UBA5: variants seen among roughly 807,000 people sequenced by gnomAD.
UBA5 encodes ubiquitin-like modifier-activating enzyme 5.
In UBA5, 28 loss-of-function variants were observed where a neutral mutation model predicts 52.9. The ratio of observed to expected loss-of-function variants is 0.53; its 90% confidence interval spans 0.39 to 0.73. UBA5 has a LOEUF of 0.73. UBA5 is among the 30% of genes least tolerant of loss of function. UBA5 has a pLI of 0.00. For missense variants in UBA5, 388 were observed against 492.7 expected (o/e 0.79, Z 2.01); for synonymous variants, 135 against 162.1 (o/e 0.83, Z 1.27).
chr3:132,671,608 A>G (rs921291152), intron 6 of UBA5, among the ~76,000 whole-genome samples, 169 bp from the exon 7 acceptor site: 2 of 152,148 alleles, frequency 1.3e-5, no homozygotes, highest in Non-Finnish European at 2.9e-5. Flanking sequence ...TACTCTTTAA[A>G]TAGAGTATGG....
At position 132,676,847 on chromosome 3, in the gene UBA5, C is replaced by G; in HGVS notation, c.*321C>G. Reference sequence around the variant, plus strand: ...ACAAATCTGATCCTGTAATCTTTTTCTTTCCAGTAATCCCTTGTGTCTGTT... The same window carrying G: ...ACAAATCTGATCCTGTAATCTTTTTGTTTCCAGTAATCCCTTGTGTCTGTT... On this transcript the variant is annotated 3_prime_UTR_variant, in exon 12 of 12. Transcript: ENST00000356232. This position sits in a 1 kb window ranked among gnomAD's most constrained non-coding sequence, Gnocchi z 4.1. 2.1e-6 allele frequency: 1 copy of G among 466,556 alleles called. No individual in the cohort carries two copies. The highest frequency in any genetic ancestry group is 4.3e-6 in the Non-Finnish European group (1 of 233,758). The allele number at this position is 466,556 out of a possible 1,614,324, so 28.9% of individuals were successfully genotyped here. A position where few individuals can be genotyped will look rare whatever the true frequency, so the allele number is the denominator to read the frequency against.
chr3:132,657,866 C>CTT (rs56190801), upstream of UBA5, among the ~76,000 whole-genome samples: 1,263 of 119,100 alleles, frequency 0.011, 31 homozygotes, highest in African/African-American at 0.034. Context: ...ACACATATTC[C>CTT]TTTTTTTTTT....
chr3:132,677,667 G>A lies in UBA5; in HGVS notation c.*1141G>A, dbSNP rs148854682. Reference sequence around the variant, plus strand: ...TGTTTCTATGCTTATTTCCTATTTTGATTTTTACTTTGAAGATAGGAATAT... The same window carrying A: ...TGTTTCTATGCTTATTTCCTATTTTAATTTTTACTTTGAAGATAGGAATAT... On this transcript the variant is annotated 3_prime_UTR_variant, in exon 12 of 12. Coordinates refer to ENST00000356232, the MANE Select transcript of UBA5 (RefSeq NM_024818.6). 1.9e-3 allele frequency: 295 copies of A among 152,220 alleles called. 1 individual carries two copies. Among genetic ancestry groups the A allele is most frequent in the African/African-American group, 6.7e-3 (279 of 41,544 alleles). The allele number at this position is 152,220 out of a possible 1,614,324, so 9.4% of individuals were successfully genotyped here.
chr3:132,664,698 A>G (rs1938300540), intron 1 of UBA5, among the ~76,000 whole-genome samples: 1 of 152,134 alleles, frequency 6.6e-6, no homozygotes, highest in Non-Finnish European at 1.5e-5. Flanking sequence ...AGTGAGCTAT[A>G]GCATACAGGA....
At position 132,662,665 on chromosome 3, in the gene UBA5, T is replaced by G. The variant is rs115039954; in HGVS notation, c.161+1967T>G. ...TTCAGTTTGAGAGACTACATGGAGG[T>G]GGGATATTAAAAAACACAAGTAACC... On this transcript the variant is annotated intron_variant, in intron 1 of 11. Transcript: ENST00000356232. Among the ~76,000 whole-genome samples the G allele has an allele frequency of 6.1e-3, 931 of 152,090 alleles. 13 individuals are homozygous for G. Among genetic ancestry groups the G allele is most frequent in the African/African-American group, 0.022 (898 of 41,482 alleles).
Position 132,675,342 on chromosome 3 carries a change from T to A in UBA5, c.907T>A (p.Cys303Ser). Residue 303 changes from cysteine (C) to serine (S), a missense_variant, in exon 9 of 12, where the codon TGT (cysteine) becomes AGT (serine). Cys to Ser is a moderately radical substitution (Grantham distance 112). This residue lies in a region of UBA5 where 277 missense variants were observed against 326.4 expected (regional missense o/e 0.85). Coordinates refer to ENST00000356232, the MANE Select transcript of UBA5 (RefSeq NM_024818.6). ...PTMSMKPNPQ[C>S]DDRNCRKQQE... The stretch of plus-strand genomic sequence containing the variant: ...TATGTCCATGAAGCCAAATCCTCAG[T>A]GTGATGACAGAAATTGCAGGAAGCA... 6.2e-7 allele frequency: 1 copy of A among 1,613,718 alleles called. No homozygotes were observed. The highest frequency in any genetic ancestry group is 8.5e-7 in the Non-Finnish European group (1 of 1,179,810).
chr3:132,674,530 A>T (rs1443908578), intron 8 of UBA5, among the ~76,000 whole-genome samples: 1 of 152,208 alleles, frequency 6.6e-6, no homozygotes, highest in Non-Finnish European at 1.5e-5. Context: ...TTTACAAAAA[A>T]AAAATACAAA....
chr3:132,659,462 G>A, upstream of UBA5: 5 of 1,217,064 alleles, frequency 4.1e-6, 1 homozygote, highest in South Asian at 6.0e-5. Flanking sequence ...GGCAATAGCA[G>A]CTCATGCCTG....
intron 1 of UBA5, chr3:132,654,710 C>T (rs563945909): frequency 6.6e-6 from 1 of 152,336 alleles, no homozygotes; most frequent in South Asian, 2.1e-4. Context: ...CTGGTTTTCT[C>T]AGTCAGTGTG....
intron 1 of UBA5, 53 bp from the exon 2 acceptor site, chr3:132,665,770 T>G (rs908082283): frequency 9.5e-5 from 145 of 1,518,480 alleles, no homozygotes; most frequent in Non-Finnish European, 1.1e-4. Flanking sequence ...CTATTTGTAT[T>G]ACTAATACCT....
At position 132,678,376 on chromosome 3, in the gene UBA5, C is replaced by T. The variant is rs1295263380; in HGVS notation, c.*1850C>T. Among the ~76,000 whole-genome samples the T allele has an allele frequency of 6.6e-6, 1 of 152,136 alleles. No individual in the cohort carries two copies. Among genetic ancestry groups the T allele is most frequent in the Non-Finnish European group, 1.5e-5 (1 of 68,036 alleles). ...CATCATTGAATTTAGTATTACTAAA[C>T]TCATAGCATTTGTCCAGATTTGTAA... On this transcript the variant is annotated 3_prime_UTR_variant, in exon 12 of 12. Coordinates refer to ENST00000356232, the MANE Select transcript of UBA5 (RefSeq NM_024818.6).
intron 3 of UBA5, chr3:132,668,158 AGTGT>A (rs10596982): frequency 0.53 from 77,421 of 145,772 alleles, 23,009 homozygotes; most frequent in Non-Finnish European, 0.69. Context: ...TGGCCATTTT[AGTGT>A]GTGTGTGTGT....
rs112892411 is a variant in UBA5, at chr3:132,670,099, G to A, written c.408-99G>A. 4.8e-4 allele frequency: 306 copies of A among 637,952 alleles called. 1 individual carries two copies. The highest frequency in any genetic ancestry group is 4.0e-3 in the African/African-American group (208 of 51,688). The allele number at this position is 637,952 out of a possible 1,614,324, so 39.5% of individuals were successfully genotyped here. A position where few individuals can be genotyped will look rare whatever the true frequency, so the allele number is the denominator to read the frequency against. ...GGTGCAGTGGGTGCGATGATAGCTCGCTGTAGCCTTGAACTCCTGGACTCA... is the reference window on the plus strand; with the variant it reads ...GGTGCAGTGGGTGCGATGATAGCTCACTGTAGCCTTGAACTCCTGGACTCA... On this transcript the variant is annotated intron_variant, in intron 4 of 11. Coordinates refer to ENST00000356232, the MANE Select transcript of UBA5 (RefSeq NM_024818.6).
rs1938619202 is a variant in UBA5 at position 132,671,846 on chromosome 3, C to G, written c.649C>G (p.Gln217Glu). The change falls in exon 7 of 12, where the codon CAG becomes GAG. Residue 217 changes from glutamine to glutamate, a missense_variant. Physicochemically the swap from Gln to Glu is conservative, Grantham distance 29. This residue lies in a region of UBA5 where 277 missense variants were observed against 326.4 expected (regional missense o/e 0.85). Coordinates refer to ENST00000356232, the MANE Select transcript of UBA5 (RefSeq NM_024818.6). The part of the protein sequence containing the change: ...VSENAVSGHI[Q>E]LIIPGESACF... ...TGAAAATGCAGTTTCAGGGCATATACAGCTTATAATTCCTGGAGAATCTGC... is the reference window on the plus strand; with the variant it reads ...TGAAAATGCAGTTTCAGGGCATATAGAGCTTATAATTCCTGGAGAATCTGC... The G allele has an allele frequency of 6.2e-7, 1 of 1,613,482 alleles. No individual in the cohort carries two copies. The highest frequency in any genetic ancestry group is 8.5e-7 in the Non-Finnish European group (1 of 1,179,820).
At position 132,660,722 on chromosome 3, in the gene UBA5, G is replaced by T. The variant is rs1938114439; in HGVS notation, c.161+24G>T. On this transcript the variant is annotated intron_variant, in intron 1 of 11. Coordinates refer to ENST00000356232, the MANE Select transcript of UBA5 (RefSeq NM_024818.6). This position sits in a 1 kb window ranked among gnomAD's most constrained non-coding sequence, Gnocchi z 4.1. ...AGGTAACCTGCGTCGCCGGTCGGAGGCAGGCGCGGGGGACGAGGTCAGGCT... is the reference window on the plus strand; with the variant it reads ...AGGTAACCTGCGTCGCCGGTCGGAGTCAGGCGCGGGGGACGAGGTCAGGCT... 1.3e-6 allele frequency: 2 copies of T among 1,516,898 alleles called. No homozygotes were observed. The highest frequency in any genetic ancestry group is 2.8e-5 in the African/African-American group (2 of 72,586). The allele number at this position is 1,516,898 out of a possible 1,614,324, so 94.0% of individuals were successfully genotyped here.
chr3:132,655,608 T>A (rs958353342), upstream of UBA5, among the ~76,000 whole-genome samples: 1 of 152,224 alleles, frequency 6.6e-6, no homozygotes, highest in Non-Finnish European at 1.5e-5. Context: ...CTGAATGCCG[T>A]GTGCTCGAGG....
upstream of UBA5, chr3:132,659,337 G>A (rs1445377995): frequency 2.2e-6 from 1 of 464,418 alleles, no homozygotes; most frequent in East Asian, 4.5e-5. Context: ...AATCCTCAAG[G>A]GACATAAATC....
intron 7 of UBA5, 39 bp from the exon 8 acceptor site, chr3:132,672,011 T>C (rs1457547400): frequency 1.2e-6 from 2 of 1,609,888 alleles, no homozygotes; most frequent in Non-Finnish European, 1.7e-6. Flanking sequence ...CTCATACTTT[T>C]TCTCTTTTTT....
At chr3:132,665,179 T>C (rs1316659580) in intron 1 of UBA5, among the ~76,000 whole-genome samples, 1 of 152,056 alleles carries the variant, frequency 6.6e-6, no homozygotes, top group African/African-American at 2.4e-5. Context: ...ATAACAATGT[T>C]AGCATGTTGT....
Sources: gnomAD v4.1 joint callset for allele counts (sites outside exome capture counted in the v4.1 genomes callset) on GRCh38, gnomAD v4.1.1 for gene constraint, gnomAD v4.1.1 regional missense constraint, Gnocchi (gnomAD v3.1) non-coding constraint, MANE v1.5 for transcripts, NCBI Gene and HGNC (gene_info 2026-07-23, HGNC 2026-07-21) for gene names.